The following TMEM39B variants were observed in gnomAD, a reference collection of about 807,000 sequenced individuals.
TMEM39B encodes the protein transmembrane protein 39B.
A neutral mutation model predicts 52.2 loss-of-function variants in TMEM39B; 23 were observed. The observed-to-expected ratio is 0.44, with a 90% CI of 0.32 to 0.62. The LOEUF is 0.62. Ranked by LOEUF, TMEM39B falls within the 20% of genes least tolerant of loss-of-function variation. The pLI is 0.06. For missense variants in TMEM39B, 547 were observed against 642.0 expected, an observed-to-expected ratio of 0.85 and a Z score of 1.60; for synonymous variants, 285 against 264.0, an observed-to-expected ratio of 1.08 and a Z score of -0.77.
At position 32,076,777 on chromosome 1, in the gene TMEM39B, C is replaced by T. The variant is rs766539827; in HGVS notation, c.366C>T (p.Ile122=). 3.8e-5 allele frequency: 62 copies of T among 1,613,974 alleles called. No homozygotes were observed. Among genetic ancestry groups the T allele is most frequent in the Non-Finnish European group, 4.5e-5 (53 of 1,180,020 alleles). Residue 122 remains isoleucine, a synonymous_variant, in exon 4 of 9, where the codon ATC becomes ATT. Coordinates refer to ENST00000336294, the MANE Select transcript of TMEM39B (RefSeq NM_018056.4). Reference sequence around the variant, plus strand: ...CCCCCTGACAGAACTTCCATCTGATCGACTTCAACTTGCTGATGGTGACCA... The same window carrying T: ...CCCCCTGACAGAACTTCCATCTGATTGACTTCAACTTGCTGATGGTGACCA... ...PSHTSLNFHL[I]DFNLLMVTTI... is the part of the protein sequence containing the mutation.
intron 8 of TMEM39B, among the ~76,000 whole-genome samples, chr1:32,101,823 CTT>C (rs2124508991): frequency 6.6e-6 from 1 of 152,282 alleles, no homozygotes; most frequent in African/African-American, 2.4e-5. Flanking sequence ...ACTGTGCACT[CTT>C]TTGAACTCAT....
chr1:32,072,370 T>C (rs1199192165), upstream of TMEM39B: 4 of 152,258 alleles, frequency 2.6e-5, no homozygotes, highest in African/African-American at 9.7e-5. Context: ...ATCAGCAGCC[T>C]CATCGTAAAG....
intron 7 of TMEM39B, among the ~76,000 whole-genome samples, chr1:32,100,211 C>G (rs1640966181): frequency 6.6e-6 from 1 of 152,160 alleles, no homozygotes; most frequent in African/African-American, 2.4e-5. Context: ...TCTCAACAGT[C>G]TCTTAGTAAT....
chr1:32,072,120 T>C (rs541730420), upstream of TMEM39B: 4 of 152,322 alleles, frequency 2.6e-5, no homozygotes, highest in African/African-American at 9.6e-5. Context: ...ATTAATGAAA[T>C]ATCTACTAAT....
chr1:32,080,852 A>G (rs1275514719), intron 5 of TMEM39B, among the ~76,000 whole-genome samples: 1 of 151,914 alleles, frequency 6.6e-6, no homozygotes, highest in South Asian at 2.1e-4. Context: ...ATTAAATCCA[A>G]TAGTGCTGAA....
At chr1:32,077,140 C>G in intron 4 of TMEM39B, 24 bp from the exon 5 acceptor site, 3 of 1,613,130 alleles carry the variant, frequency 1.9e-6, no homozygotes, top group Non-Finnish European at 2.5e-6. Context: ...AGGCCCCATC[C>G]CGTCCTATCT....
At chr1:32,092,127 TCTGGAGGA>T in intron 6 of TMEM39B, 116 bp downstream of exon 6, 1 of 949,790 alleles carries the variant, frequency 1.1e-6, no homozygotes. Context: ...ATTTCCCATC[TCTGGAGGA>T]CTGGAGTGAC....
At chr1:32,091,604 C>G in intron 5 of TMEM39B, 71 bp from the exon 6 acceptor site, 1 of 1,485,150 alleles carries the variant, frequency 6.7e-7, no homozygotes, top group Non-Finnish European at 9.1e-7. Context: ...GAAAGAAGAT[C>G]CCCTCAGTGG....
At chr1:32,101,959 A>T (rs988665903) in intron 8 of TMEM39B, among the ~76,000 whole-genome samples, 1 of 152,138 alleles carries the variant, frequency 6.6e-6, no homozygotes, top group African/African-American at 2.4e-5. Context: ...TTCAGGCTGT[A>T]GAGTCTGTAA....
intron 1 of TMEM39B, among the ~76,000 whole-genome samples, chr1:32,074,642 T>G (rs1639775727): frequency 6.6e-6 from 1 of 152,134 alleles, no homozygotes; most frequent in East Asian, 1.9e-4. Flanking sequence ...ACTTCAAAAC[T>G]TCAGAAATGG....
At chr1:32,093,632 G>A (rs192494755) in intron 6 of TMEM39B, among the ~76,000 whole-genome samples, 97 of 150,890 alleles carry the variant, frequency 6.4e-4, no homozygotes, top group Admixed American at 3.2e-3. Flanking sequence ...GGCCAGTCTC[G>A]AACTCCTGAC....
chr1:32,085,569 G>A (rs1640308854), intron 5 of TMEM39B, among the ~76,000 whole-genome samples: 1 of 152,086 alleles, frequency 6.6e-6, no homozygotes, highest in South Asian at 2.1e-4. Flanking sequence ...TGGCCAACAT[G>A]GTGAAACCCT....
At position 32,074,487 on chromosome 1, in the gene TMEM39B, A is replaced by C. The variant is rs114967660; in HGVS notation, c.5-464A>C. 2.6e-3 allele frequency among the ~76,000 whole-genome samples: 392 copies of C among 152,294 alleles called. 2 individuals carry two copies. The highest frequency in any genetic ancestry group is 9.2e-3 in the African/African-American group (383 of 41,562). ...TGAGGTAGGGGATATAGCAGTGAAAAAGATAAGGTAACTGACCTCATTGAC... is the reference window on the plus strand; with the variant it reads ...TGAGGTAGGGGATATAGCAGTGAAACAGATAAGGTAACTGACCTCATTGAC... On this transcript the variant is annotated intron_variant, in intron 1 of 8. Coordinates refer to ENST00000336294, the MANE Select transcript of TMEM39B (RefSeq NM_018056.4).
chr1:32,083,076 G>GTTTT (rs763745093), intron 5 of TMEM39B, among the ~76,000 whole-genome samples: 62 of 85,878 alleles, frequency 7.2e-4, no homozygotes, highest in East Asian at 2.3e-3. Context: ...GCCCAGCCTG[G>GTTTT]TTTTTTTTTT....
chr1:32,076,666 C>A, intron 3 of TMEM39B, 97 bp from the exon 4 acceptor site: 1 of 1,238,064 alleles, frequency 8.1e-7, no homozygotes, highest in South Asian at 1.2e-5. Context: ...TGAGGACAGT[C>A]TCTGTGGAAA....
At chr1:32,100,276 T>TA (rs1254390260) in intron 7 of TMEM39B, among the ~76,000 whole-genome samples, 166 bp from the exon 8 acceptor site, 3 of 152,184 alleles carry the variant, frequency 2.0e-5, no homozygotes, top group East Asian at 3.8e-4. Flanking sequence ...TCATGATTCT[T>TA]ACCCCATTTT....
chr1:32,090,988 A>G (rs922449367), intron 5 of TMEM39B, among the ~76,000 whole-genome samples: 1 of 151,734 alleles, frequency 6.6e-6, no homozygotes, highest in African/African-American at 2.4e-5. Context: ...GGGTCTCACT[A>G]TGTTGCCCAG....
intron 5 of TMEM39B, among the ~76,000 whole-genome samples, 185 bp downstream of exon 5, chr1:32,077,503 CTG>C (rs765909356): frequency 6.6e-6 from 1 of 152,192 alleles, no homozygotes; most frequent in Non-Finnish European, 1.5e-5. Context: ...GCAGACGAAA[CTG>C]AGGTGGCATA....
chr1:32,078,452 T>C lies in TMEM39B; in HGVS notation c.590+1134T>C, dbSNP rs1031842004. Among the ~76,000 whole-genome samples the C allele has an allele frequency of 2.0e-5, 3 of 151,952 alleles. No individual in the cohort carries two copies. In the South Asian group the frequency reaches 6.2e-4, roughly 31 times the overall value. ...GAGCCGAAATTGTGCCACTGTACTC[T>C]AGCTTAAGCAACTGGAGTGAGGTCC... On this transcript the variant is annotated intron_variant, in intron 5 of 8. Coordinates refer to ENST00000336294, the MANE Select transcript of TMEM39B (RefSeq NM_018056.4).
Sources: allele counts gnomAD v4.1 joint callset (sites outside exome capture counted in the v4.1 genomes callset), GRCh38; gene constraint gnomAD v4.1.1; transcripts MANE v1.5; gene names NCBI Gene and HGNC (gene_info 2026-07-23, HGNC 2026-07-21).